The following NAV3 variants were observed in gnomAD, a reference collection of about 807,000 sequenced individuals.
NAV3 encodes pore membrane and/or filament interacting like protein 1.
A neutral mutation model predicts 244.7 loss-of-function variants in NAV3; 87 were observed. That is an observed-to-expected ratio of 0.36 (90% CI 0.30 to 0.42). The LOEUF (loss-of-function observed/expected upper bound fraction) is 0.42. NAV3 is among the 20% of genes least tolerant of loss of function. NAV3 has a pLI of 1.00. For missense variants in NAV3, 2,663 were observed against 2,893.3 expected (o/e 0.92, Z 1.83); for synonymous variants, 1,126 against 1,042.2 (o/e 1.08, Z -1.55).
intron 1 of NAV3, among the ~76,000 whole-genome samples, chr12:77,866,592 A>G (rs1416607383): frequency 1.3e-5 from 2 of 152,248 alleles, no homozygotes; most frequent in African/African-American, 2.4e-5. Context: ...ACAATCACAC[A>G]TGAATTTTAA....
intron 2 of NAV3, among the ~76,000 whole-genome samples, chr12:77,599,002 G>A (rs1172216178): frequency 6.6e-6 from 1 of 151,772 alleles, no homozygotes; most frequent in Non-Finnish European, 1.5e-5. Context: ...AGCTCTCCAT[G>A]CCATCCCTCC....
intron 2 of NAV3, among the ~76,000 whole-genome samples, chr12:77,792,962 T>C (rs189140476): frequency 6.6e-6 from 1 of 152,298 alleles, no homozygotes; most frequent in African/African-American, 2.4e-5. Context: ...GCTAATTCAT[T>C]GCATGATTTC....
At chr12:78,156,376 G>A (rs1305216941) in intron 22 of NAV3, among the ~76,000 whole-genome samples, 1 of 152,002 alleles carries the variant, frequency 6.6e-6, no homozygotes, top group East Asian at 1.9e-4. Context: ...ATGTTCTTTA[G>A]TAACCAGTTA....
chr12:77,835,098 C>T (rs1041381140), intron 1 of NAV3, among the ~76,000 whole-genome samples: 29 of 152,036 alleles, frequency 1.9e-4, no homozygotes, highest in African/African-American at 6.8e-4. Flanking sequence ...GGGAACCAGG[C>T]TCTATTTTGG....
intron 8 of NAV3, among the ~76,000 whole-genome samples, chr12:78,016,613 G>A (rs1182845829): frequency 1.3e-5 from 2 of 152,158 alleles, no homozygotes; most frequent in African/African-American, 4.8e-5. Flanking sequence ...AGTGGTTTTT[G>A]AAAGATATGT....
At chr12:77,950,896 A>T (rs1890808629) in intron 3 of NAV3, 1 of 152,194 alleles carries the variant, frequency 6.6e-6, no homozygotes, top group Non-Finnish European at 1.5e-5. Context: ...TCCCTTTCTT[A>T]CACCTTATAC....
chr12:77,647,461 TG>T (rs1872652726), intron 2 of NAV3, among the ~76,000 whole-genome samples: 1 of 152,032 alleles, frequency 6.6e-6, no homozygotes, highest in African/African-American at 2.4e-5. Context: ...GCTTTTTTTT[TG>T]TTTTGTTTTT....
At chr12:77,709,386 C>T (rs866266911) in intron 2 of NAV3, among the ~76,000 whole-genome samples, 7 of 152,292 alleles carry the variant, frequency 4.6e-5, no homozygotes, top group Non-Finnish European at 1.0e-4. Flanking sequence ...CCTTTGAAAA[C>T]TGGCACAAGA....
rs981854850 is a variant in NAV3 at position 77,810,467 on chromosome 12, G to C, written c.73-129852G>C. On this transcript the variant is annotated intron_variant, in intron 2 of 8. Transcript: ENST00000550042. The stretch of plus-strand genomic sequence containing the variant: ...ATTACAGTCGTGAGCCACAGCGCCT[G>C]ACCCCCATTATATGTTTTTATATCA... Among the ~76,000 whole-genome samples the C allele has an allele frequency of 1.1e-4, 17 of 152,274 alleles. No individual in the cohort carries two copies. The East Asian group carries it at 3.1e-3, about 28-fold the overall frequency.
chr12:77,897,377 C>T (rs1263252700), intron 1 of NAV3, among the ~76,000 whole-genome samples: 6 of 152,208 alleles, frequency 3.9e-5, no homozygotes, highest in East Asian at 3.9e-4. Flanking sequence ...TCCTTTCATG[C>T]GATAGCTTTG....
At chr12:77,649,905 G>T (rs1296660276) in intron 2 of NAV3, among the ~76,000 whole-genome samples, 1 of 151,992 alleles carries the variant, frequency 6.6e-6, no homozygotes, top group Non-Finnish European at 1.5e-5. Context: ...ATTTTGGTTA[G>T]GGTTCCTTCA....
intron 11 of NAV3, among the ~76,000 whole-genome samples, chr12:78,055,333 A>G (rs1419940954): frequency 6.6e-6 from 1 of 152,176 alleles, no homozygotes; most frequent in Admixed American, 6.6e-5. Context: ...GTTTTTTAAC[A>G]ACTGAATTCT....
intron 1 of NAV3, among the ~76,000 whole-genome samples, chr12:77,908,278 T>G (rs1430053629): frequency 1.3e-5 from 2 of 152,042 alleles, no homozygotes; most frequent in East Asian, 3.9e-4. Flanking sequence ...ATTGTAAATA[T>G]AATATGAAGC....
chr12:78,058,611 T>C (rs554434628), intron 11 of NAV3, among the ~76,000 whole-genome samples: 4 of 152,328 alleles, frequency 2.6e-5, no homozygotes, highest in African/African-American at 7.2e-5. Context: ...TTTGATCCAT[T>C]ACTCCTATGA....
intron 12 of NAV3, among the ~76,000 whole-genome samples, chr12:78,096,007 C>G (rs1566125056): frequency 1.3e-5 from 2 of 152,162 alleles, no homozygotes; most frequent in South Asian, 2.1e-4. Context: ...ATAAATCCTA[C>G]AGATAAATTT....
chr12:77,812,711 A>G (rs907733310), intron 2 of NAV3, among the ~76,000 whole-genome samples: 1 of 152,150 alleles, frequency 6.6e-6, no homozygotes, highest in Non-Finnish European at 1.5e-5. Flanking sequence ...TACAAGTGAG[A>G]GCCACTGCAC....
chr12:77,856,917 G>A (rs902936258), intron 1 of NAV3, among the ~76,000 whole-genome samples: 4 of 152,084 alleles, frequency 2.6e-5, no homozygotes, highest in African/African-American at 9.7e-5. Flanking sequence ...GACAACGGAA[G>A]GCTAGGAATG....
intron 12 of NAV3, among the ~76,000 whole-genome samples, chr12:78,072,327 G>A (rs1198327290): frequency 7.3e-6 from 1 of 137,142 alleles, no homozygotes; most frequent in East Asian, 2.1e-4. Flanking sequence ...GAATCAAATA[G>A]ACACAATAAA....
At chr12:77,864,228 G>T (rs1879684466) in intron 1 of NAV3, among the ~76,000 whole-genome samples, 1 of 151,224 alleles carries the variant, frequency 6.6e-6, no homozygotes, top group East Asian at 1.9e-4. Flanking sequence ...CCTGCATTCT[G>T]CCAACTTGTA....
Sources: gnomAD v4.1 joint callset for allele counts (sites outside exome capture counted in the v4.1 genomes callset) on GRCh38, gnomAD v4.1.1 for gene constraint, MANE v1.5 for transcripts, NCBI Gene and HGNC (gene_info 2026-07-23, HGNC 2026-07-21) for gene names.